The following DOCK6 variants were observed in gnomAD, a reference collection of about 807,000 sequenced individuals.
DOCK6 encodes the protein dedicator of cytokinesis protein 6.
In DOCK6, 167 loss-of-function variants were observed where a neutral mutation model predicts 230.3. The observed-to-expected ratio is 0.73, with a 90% CI of 0.64 to 0.82. The LOEUF (loss-of-function observed/expected upper bound fraction) is 0.82, where lower values mean the gene tolerates loss of function less well. Among genes scored for constraint, DOCK6 ranks in the 40% least tolerant of loss-of-function variants. DOCK6 has a pLI of 0.00. For synonymous variants in DOCK6, 1,148 were observed against 1,185.0 expected (o/e 0.97, Z 0.64); for missense variants, 2,598 against 2,825.8 (o/e 0.92, Z 1.83).
At chr19:11,232,335 G>A (rs2079778578) in intron 22 of DOCK6, 1 of 1,271,882 alleles carries the variant, frequency 7.9e-7, no homozygotes, top group Non-Finnish European at 1.0e-6. Context: ...GGAGGGCAGG[G>A]AAAGCAGCAT....
chr19:11,215,345 A>G, intron 32 of DOCK6, 42 bp downstream of exon 32: 1 of 1,581,472 alleles, frequency 6.3e-7, no homozygotes, highest in Non-Finnish European at 8.7e-7. Flanking sequence ...CCTCGGCCCA[A>G]ACTGTTCTGA....
In DOCK6 at chr19:11,243,354, A is replaced by ACGG. The variant is rs1568255617; in HGVS notation, c.1287_1289dup (p.Arg431dup). 1 of 1,600,418 alleles carries ACGG rather than the reference A, an allele frequency of 6.2e-7. No individual in the cohort carries two copies. Among genetic ancestry groups the ACGG allele is most frequent in the African/African-American group, 1.3e-5 (1 of 74,694 alleles). On this transcript the variant is annotated inframe_insertion, in exon 12 of 48. Transcript: ENST00000294618. The surrounding 1 kb of genome is among the most constrained non-coding windows in gnomAD (Gnocchi z 6.3). ...TACTCGCCCGGTCCTGGGGCCCCCG[A>ACGG]CGGCGGCGGTCTGTCCAGGCTGGCC...
In DOCK6 at chr19:11,236,381, A is replaced by C. The variant is rs1183777987; in HGVS notation, c.2357T>G (p.Leu786Arg). The stretch of plus-strand genomic sequence containing the variant: ...ACTGATGATCGGGGGCCTGATGACC[A>C]GACGCACGAGCTTGTCCAGCACGTG... ...SHHVLDKLVR[L>R]VIRPPIISGQ... The change falls in exon 20 of 48, where the codon CTG becomes CGG. Residue 786 changes from leucine to arginine, a missense_variant. Coordinates refer to ENST00000294618, the MANE Select transcript of DOCK6 (RefSeq NM_020812.4). The surrounding 1 kb of genome is among the most constrained non-coding windows in gnomAD (Gnocchi z 5.2). The C allele has an allele frequency of 6.3e-7, 1 of 1,576,426 alleles. No individual in the cohort carries two copies. Among genetic ancestry groups the C allele is most frequent in the African/African-American group, 1.4e-5 (1 of 74,068 alleles).
intron 23 of DOCK6, among the ~76,000 whole-genome samples, chr19:11,228,645 C>T (rs1469511120): frequency 6.6e-6 from 1 of 151,312 alleles, no homozygotes; most frequent in Admixed American, 6.6e-5. Context: ...CTGCAAGCTC[C>T]TCCTCCTGGG....
chr19:11,232,247 G>A (rs1387204732), intron 22 of DOCK6: 2 of 1,289,710 alleles, frequency 1.6e-6, no homozygotes, highest in African/African-American at 1.5e-5. Flanking sequence ...CTGCCTCCTG[G>A]AGCATAAGCG....
At chr19:11,213,119 C>T in intron 35 of DOCK6, 57 bp downstream of exon 35, 1 of 1,574,614 alleles carries the variant, frequency 6.4e-7, no homozygotes, top group Non-Finnish European at 8.7e-7. Context: ...GGTTGAGACC[C>T]CACTGGCCAC....
At chr19:11,246,014 G>C in intron 7 of DOCK6, 136 bp from the exon 8 acceptor site, 1 of 974,904 alleles carries the variant, frequency 1.0e-6, no homozygotes, top group Non-Finnish European at 1.5e-6. Context: ...AGGGCTTGCA[G>C]AAAAGGTACA....
chr19:11,239,699 C>T (rs368909299), intron 14 of DOCK6: 41 of 1,613,516 alleles, frequency 2.5e-5, no homozygotes, highest in South Asian at 4.4e-5. Flanking sequence ...CCTGCCTCAG[C>T]GGCCCCCATG....
Position 11,223,006 on chromosome 19 carries a change from G to A in DOCK6, c.3056C>T (p.Ala1019Val). The A allele has an allele frequency of 9.3e-6, 15 of 1,613,744 alleles. No homozygotes were observed. Among genetic ancestry groups the A allele is most frequent in the Non-Finnish European group, 1.3e-5 (15 of 1,179,838 alleles). ...GCCCACTCCTACCTGCTTGTAGTGG[G>A]CCCGGACCAGGCTGAAGACAAAGCC... ...DRGFVFSLVR[A>V]HYKQVATRLQ... Residue 1019 changes from alanine to valine, a missense_variant, in exon 25 of 48, where the codon GCC becomes GTC. Physicochemically the swap from Ala to Val is moderately conservative, Grantham distance 64 (BLOSUM62 0). Transcript: ENST00000294618.
At chr19:11,212,784 C>T (rs1429721249) in intron 35 of DOCK6, among the ~76,000 whole-genome samples, 1 of 150,868 alleles carries the variant, frequency 6.6e-6, no homozygotes, top group African/African-American at 2.4e-5. Context: ...GGGCTGGTCT[C>T]GAACTCCTGA....
rs1007456497 is a variant in DOCK6 at position 11,236,006 on chromosome 19, G to A, written c.2393-247C>T. 8 of 498,234 alleles carry A rather than the reference G, an allele frequency of 1.6e-5. No individual in the cohort carries two copies. The highest frequency in any genetic ancestry group is 7.8e-5 in the African/African-American group (4 of 50,960). The allele number at this position is 498,234 out of a possible 1,614,324, so 30.9% of individuals were successfully genotyped here. ...AGCAATTCTCCTGCCTCAGCCTCCC[G>A]AGTAGCTGGGATTACAGGCATGCGC... On this transcript the variant is annotated intron_variant, in intron 20 of 47. Coordinates refer to ENST00000294618, the MANE Select transcript of DOCK6 (RefSeq NM_020812.4). This position sits in a 1 kb window ranked among gnomAD's most constrained non-coding sequence, Gnocchi z 5.2.
chr19:11,224,277 C>G (rs1020182234), intron 24 of DOCK6, among the ~76,000 whole-genome samples: 2 of 149,216 alleles, frequency 1.3e-5, no homozygotes, highest in African/African-American at 2.5e-5. Flanking sequence ...ATGGCGCGAT[C>G]TCGGCTCACT....
rs368801138 is a variant in DOCK6 at position 11,236,900 on chromosome 19, G to C, written c.2074-21C>G. On this transcript the variant is annotated intron_variant, in intron 18 of 47. Transcript: ENST00000294618. The surrounding 1 kb of genome is among the most constrained non-coding windows in gnomAD (Gnocchi z 5.2). ...GCCACCTGTGGGAGGGAGGCACCAG[G>C]TGGGCACTGGTCAGCCCTCCCTGAC... The C allele has an allele frequency of 5.8e-6, 9 of 1,547,970 alleles. No homozygotes were observed. Among genetic ancestry groups the C allele is most frequent in the South Asian group, 2.4e-5 (2 of 83,894 alleles).
At position 11,253,639 on chromosome 19, in the gene DOCK6, C is replaced by T. The variant is rs1231502732; in HGVS notation, c.132G>A (p.Gly44=). 6 of 1,432,716 alleles carry T rather than the reference C, an allele frequency of 4.2e-6. No individual in the cohort carries two copies. In the African/African-American group the frequency reaches 6.0e-5, roughly 14 times the overall value. 88.8% of individuals were successfully genotyped at this position (1,432,716 alleles called of 1,614,324 possible). The change falls in exon 2 of 48, where the codon GGG becomes GGA. Residue 44 remains glycine (G), a splice_region_variant and synonymous_variant. Transcript: ENST00000294618. The part of the protein sequence containing the change: ...HSSRRCSSSL[G]VPLTEVVEPL... Reference sequence around the variant, plus strand: ...GGGGGCGGACCCCCCAAATACTTACCCCCAGGGAGCTGCTGCAGCGCCTGC... The same window carrying T: ...GGGGGCGGACCCCCCAAATACTTACTCCCAGGGAGCTGCTGCAGCGCCTGC...
chr19:11,215,653 C>T lies in DOCK6; in HGVS notation c.4021+148G>A, dbSNP rs371866100. 1.6e-4 allele frequency: 227 copies of T among 1,393,306 alleles called. 2 individuals are homozygous for T. The South Asian group carries it at 2.5e-3, about 15-fold the overall frequency. 86.3% of individuals were successfully genotyped at this position (1,393,306 alleles called of 1,614,324 possible). A position where few individuals can be genotyped will look rare whatever the true frequency, so the allele number is the denominator to read the frequency against. On this transcript the variant is annotated intron_variant, in intron 31 of 47. Coordinates refer to ENST00000294618, the MANE Select transcript of DOCK6 (RefSeq NM_020812.4). Reference sequence around the variant, plus strand: ...CGAGTGACAGATGGGGACGCACAGGCGCATGTGTACGGTGATGATTTGTGG... The same window carrying T: ...CGAGTGACAGATGGGGACGCACAGGTGCATGTGTACGGTGATGATTTGTGG...
intron 23 of DOCK6, among the ~76,000 whole-genome samples, chr19:11,227,991 T>A (rs1241809800): frequency 6.6e-6 from 1 of 151,168 alleles, no homozygotes; most frequent in African/African-American, 2.4e-5. Flanking sequence ...GTGTCTTACC[T>A]TGATCAGAAA....
intron 1 of DOCK6, 53 bp from the exon 2 acceptor site, chr19:11,253,779 C>G (rs184187067): frequency 1.6e-6 from 2 of 1,224,564 alleles, no homozygotes; most frequent in South Asian, 3.0e-5. Context: ...GGCAGCGGAG[C>G]GGACAGATTC....
chr19:11,252,706 G>C, intron 3 of DOCK6, 77 bp downstream of exon 3: 2 of 1,595,824 alleles, frequency 1.3e-6, no homozygotes, highest in Non-Finnish European at 1.7e-6. Flanking sequence ...CAAGCCAGGA[G>C]CTGAAGTCGG....
In DOCK6 at chr19:11,227,430, T is replaced by C. The variant is rs762383190; in HGVS notation, c.2862A>G (p.Thr954=). ...GTCCGGGGAAGCGCAGCTTGCGGGG[T>C]GTGTCTAGTCGCTGGCCAAGCAGCA... is the stretch of plus-strand genomic sequence containing the variant. The part of the protein sequence containing the change: ...LHLLLGQRLD[T]PRKLRFPGRF... Residue 954 remains threonine, a synonymous_variant, in exon 24 of 48, where the codon ACA becomes ACG. Coordinates refer to ENST00000294618, the MANE Select transcript of DOCK6 (RefSeq NM_020812.4). The C allele has an allele frequency of 8.7e-6, 14 of 1,611,578 alleles. No homozygotes were observed. The Admixed American group carries it at 2.4e-4, about 27-fold the overall frequency.
Sources: gnomAD v4.1 joint callset for allele counts (sites outside exome capture counted in the v4.1 genomes callset) on GRCh38, gnomAD v4.1.1 for gene constraint, Gnocchi (gnomAD v3.1) non-coding constraint, MANE v1.5 for transcripts, NCBI Gene and HGNC (gene_info 2026-07-23, HGNC 2026-07-21) for gene names.